The following CTIF variants were observed in gnomAD, a reference collection of about 807,000 sequenced individuals.
The protein encoded by CTIF is CBP80/20-dependent translation initiation factor.
Under a neutral mutation model 66.0 loss-of-function variants are expected in CTIF, and 21 were observed. That is an observed-to-expected ratio of 0.32 (90% CI 0.23 to 0.46). The LOEUF (loss-of-function observed/expected upper bound fraction) is 0.46, where lower values mean the gene tolerates loss of function less well. Among genes scored for constraint, CTIF ranks in the 20% least tolerant of loss-of-function variants. CTIF has a pLI of 1.00. For missense variants in CTIF, 739 were observed against 812.7 expected (o/e 0.91, Z 1.10); for synonymous variants, 345 against 326.4 (o/e 1.06, Z -0.62).
intron 9 of CTIF, among the ~76,000 whole-genome samples, chr18:48,764,696 C>T (rs961064825): frequency 3.3e-5 from 5 of 152,164 alleles, no homozygotes; most frequent in African/African-American, 1.2e-4. Context: ...CAGCCATTTG[C>T]CTGGGTGGAG....
chr18:48,552,284 G>A (rs1388428230), intron 1 of CTIF, among the ~76,000 whole-genome samples: 1 of 152,214 alleles, frequency 6.6e-6, no homozygotes, highest in Non-Finnish European at 1.5e-5. Context: ...TGCATACCAG[G>A]CTTGCCAGTG....
At chr18:48,838,929 C>T (rs930795382) in intron 10 of CTIF, among the ~76,000 whole-genome samples, 2 of 152,104 alleles carry the variant, frequency 1.3e-5, no homozygotes, top group African/African-American at 4.8e-5. Context: ...GCCCCTCAAT[C>T]TCTAAGTGTC....
intron 2 of CTIF, among the ~76,000 whole-genome samples, chr18:48,627,804 GGAGGGAGT>G (rs1458928051): frequency 6.6e-6 from 1 of 150,880 alleles, no homozygotes; most frequent in African/African-American, 2.4e-5. Flanking sequence ...AGGGAGGGAG[GGAGGGAGT>G]GAGGATTTGA....
chr18:48,732,615 C>G (rs1188518826), intron 7 of CTIF, among the ~76,000 whole-genome samples: 1 of 152,214 alleles, frequency 6.6e-6, no homozygotes, highest in African/African-American at 2.4e-5. Context: ...GAAGAGGTCT[C>G]TTTCTTTCTT....
intron 10 of CTIF, among the ~76,000 whole-genome samples, chr18:48,835,507 T>C (rs886593359): frequency 1.3e-5 from 2 of 152,088 alleles, no homozygotes; most frequent in African/African-American, 4.8e-5. Flanking sequence ...TGTGCAGAGG[T>C]GCATTTTTCT....
intron 1 of CTIF, among the ~76,000 whole-genome samples, chr18:48,547,261 G>A (rs895908289): frequency 1.3e-5 from 2 of 152,276 alleles, no homozygotes; most frequent in East Asian, 1.9e-4. Flanking sequence ...GATGAGCCCC[G>A]TCTAGGAAGC....
At chr18:48,832,354 G>T (rs1473312035) in intron 10 of CTIF, among the ~76,000 whole-genome samples, 2 of 152,056 alleles carry the variant, frequency 1.3e-5, no homozygotes, top group African/African-American at 2.4e-5. Context: ...TGTATTTTTA[G>T]TAGAGACGGG....
intron 9 of CTIF, among the ~76,000 whole-genome samples, chr18:48,806,417 G>A (rs2068148456): frequency 6.6e-6 from 1 of 152,120 alleles, no homozygotes; most frequent in Non-Finnish European, 1.5e-5. Context: ...CTCCCCACTG[G>A]AGAGATGGCA....
At chr18:48,655,880 C>T (rs934845832) in intron 3 of CTIF, among the ~76,000 whole-genome samples, 4 of 152,238 alleles carry the variant, frequency 2.6e-5, no homozygotes, top group African/African-American at 9.6e-5. Context: ...ATTGTCATTA[C>T]ACACATGCCC....
intron 9 of CTIF, among the ~76,000 whole-genome samples, chr18:48,775,417 G>T (rs572391768): frequency 6.6e-6 from 1 of 152,230 alleles, no homozygotes; most frequent in African/African-American, 2.4e-5. Context: ...CAGGGAAAGC[G>T]CCATGAGATG....
intron 9 of CTIF, among the ~76,000 whole-genome samples, chr18:48,773,872 G>T (rs1910407418): frequency 6.6e-6 from 1 of 152,176 alleles, no homozygotes; most frequent in African/African-American, 2.4e-5. Flanking sequence ...AGGGGGAGAG[G>T]AACAGGAAGA....
At chr18:48,565,144 T>C (rs1329367632) in intron 1 of CTIF, 1 of 152,250 alleles carries the variant, frequency 6.6e-6, no homozygotes, top group Admixed American at 6.5e-5. Context: ...GTCCTGTTTA[T>C]TACTGATGTC....
intron 7 of CTIF, among the ~76,000 whole-genome samples, chr18:48,719,802 G>T (rs1399604540): frequency 6.6e-6 from 1 of 152,176 alleles, no homozygotes. Context: ...CCTAAACATA[G>T]TACTGAAGTG....
At chr18:48,674,966 G>A (rs1796465411) in intron 6 of CTIF, among the ~76,000 whole-genome samples, 1 of 151,212 alleles carries the variant, frequency 6.6e-6, no homozygotes, top group Admixed American at 6.6e-5. Context: ...CCACACCGAG[G>A]CATGACATGC....
At chr18:48,772,302 C>T (rs938011564) in intron 9 of CTIF, among the ~76,000 whole-genome samples, 2 of 152,100 alleles carry the variant, frequency 1.3e-5, no homozygotes, top group South Asian at 4.1e-4. Flanking sequence ...TTCTTTTTGG[C>T]AAATTATTAT....
At position 48,857,408 on chromosome 18, in the gene CTIF, C is replaced by A. The variant is rs577332738; in HGVS notation, c.1528-180C>A. 5.4e-4 allele frequency among the ~76,000 whole-genome samples: 83 copies of A among 152,334 alleles called. 1 individual carries two copies. In the Middle Eastern group the frequency reaches 0.01, roughly 19 times the overall value. On this transcript the variant is annotated intron_variant, in intron 10 of 11. Coordinates refer to ENST00000256413, the MANE Select transcript of CTIF (RefSeq NM_014772.3). ...TGTCGGAGAAATCACGGCCACCCGG[C>A]GCAACTGACTTTCTGCTCTCTGACT...
At chr18:48,626,414 C>T (rs553996909) in intron 2 of CTIF, among the ~76,000 whole-genome samples, 1 of 152,108 alleles carries the variant, frequency 6.6e-6, no homozygotes, top group South Asian at 2.1e-4. Flanking sequence ...ATGGCATGCT[C>T]TCGGCTCACT....
At chr18:48,638,099 T>G (rs1042148960) in intron 3 of CTIF, among the ~76,000 whole-genome samples, 4 of 151,944 alleles carry the variant, frequency 2.6e-5, no homozygotes, top group African/African-American at 9.7e-5. Context: ...GACCCCATGT[T>G]ATGCTCCCTG....
In CTIF at chr18:48,705,705, C is replaced by T. The variant is rs188738493; in HGVS notation, c.508-5914C>T. 1.3e-3 allele frequency among the ~76,000 whole-genome samples: 195 copies of T among 152,358 alleles called. 2 individuals are homozygous for T. Among genetic ancestry groups the T allele is most frequent in the Admixed American group, 2.8e-3 (43 of 15,314 alleles). On this transcript the variant is annotated intron_variant, in intron 6 of 11. Coordinates refer to ENST00000256413, the MANE Select transcript of CTIF (RefSeq NM_014772.3). ...CTGCCCAGGGGCCCAGCCCAACTCC[C>T]GGCACTCAGCCCATGATGCTGCTGC...
Sources: gnomAD v4.1 joint callset for allele counts (sites outside exome capture counted in the v4.1 genomes callset) on GRCh38, gnomAD v4.1.1 for gene constraint, MANE v1.5 for transcripts, NCBI Gene and HGNC (gene_info 2026-07-23, HGNC 2026-07-21) for gene names.